The following ERBIN variants were observed in gnomAD, a reference collection of about 807,000 sequenced individuals.
ERBIN encodes densin-180-like protein.
ERBIN carries 60 observed loss-of-function variants against 158.4 expected under a neutral mutation model. The observed-to-expected ratio is 0.38, with a 90% CI of 0.31 to 0.47. The LOEUF (loss-of-function observed/expected upper bound fraction) is 0.47. Among genes scored for constraint, ERBIN ranks in the 20% least tolerant of loss-of-function variants. ERBIN has a pLI of 0.99. For synonymous variants in ERBIN, 594 were observed against 557.2 expected, an observed-to-expected ratio of 1.07 and a Z score of -0.93; for missense variants, 1,610 against 1,648.0, an observed-to-expected ratio of 0.98 and a Z score of 0.40.
chr5:66,075,578 G>A (rs931986860), intron 23 of ERBIN, among the ~76,000 whole-genome samples: 2 of 152,122 alleles, frequency 1.3e-5, no homozygotes, highest in African/African-American at 2.4e-5. Context: ...CTTAGATTTT[G>A]AAATTTGACT....
At chr5:66,013,208 G>C (rs1300041204) in intron 5 of ERBIN, among the ~76,000 whole-genome samples, 1 of 152,192 alleles carries the variant, frequency 6.6e-6, no homozygotes, top group Non-Finnish European at 1.5e-5. Context: ...TGAATTGAGA[G>C]TAGATAAGAC....
At chr5:65,964,910 GTGTGTGT>G (rs1482204224) in intron 1 of ERBIN, among the ~76,000 whole-genome samples, 3 of 8,604 alleles carry the variant, frequency 3.5e-4, no homozygotes, top group African/African-American at 6.1e-4. Flanking sequence ...TGGCTGATTT[GTGTGTGT>G]GTGTGTGTGT....
chr5:66,056,106 T>C (rs1056845283), intron 21 of ERBIN, among the ~76,000 whole-genome samples: 1 of 152,134 alleles, frequency 6.6e-6, no homozygotes, highest in Admixed American at 6.6e-5. Flanking sequence ...TCTGGTGACG[T>C]TGTGGAACTA....
intron 21 of ERBIN, among the ~76,000 whole-genome samples, chr5:66,057,812 C>T (rs1457978362): frequency 2.0e-5 from 3 of 148,030 alleles, no homozygotes; most frequent in Non-Finnish European, 3.0e-5. Context: ...TTTGGTTTTT[C>T]GTCCTTGTGA....
At chr5:65,942,627 T>G (rs956471635) in intron 1 of ERBIN, among the ~76,000 whole-genome samples, 1 of 152,164 alleles carries the variant, frequency 6.6e-6, no homozygotes, top group Non-Finnish European at 1.5e-5. Context: ...TCTCAAGTTT[T>G]AAAAAATAGA....
intron 1 of ERBIN, among the ~76,000 whole-genome samples, chr5:65,954,834 G>GGT (rs1434750773): frequency 6.6e-6 from 1 of 152,022 alleles, no homozygotes; most frequent in African/African-American, 2.4e-5. Context: ...GGGAGGCCGA[G>GGT]GTGGGGGATC....
chr5:65,933,208 G>C (rs936738642), intron 1 of ERBIN, among the ~76,000 whole-genome samples: 23 of 152,106 alleles, frequency 1.5e-4, no homozygotes, highest in Admixed American at 1.3e-4. Context: ...TGATCTTACT[G>C]TGCTTTTGGT....
chr5:65,940,956 AT>A (rs1370689856), intron 1 of ERBIN, among the ~76,000 whole-genome samples: 1 of 152,154 alleles, frequency 6.6e-6, no homozygotes, highest in Non-Finnish European at 1.5e-5. Context: ...GAGACTTTTC[AT>A]TTTGTTCTGT....
intron 1 of ERBIN, among the ~76,000 whole-genome samples, chr5:65,962,197 A>G (rs1490936432): frequency 2.0e-5 from 3 of 152,206 alleles, no homozygotes; most frequent in Non-Finnish European, 4.4e-5. Context: ...CAAAAGTTCT[A>G]TAGGTCAGTG....
intron 1 of ERBIN, among the ~76,000 whole-genome samples, chr5:65,938,274 C>T (rs555232657): frequency 6.6e-6 from 1 of 151,776 alleles, no homozygotes. Flanking sequence ...TTATTATCTA[C>T]TATAGTGATG....
intron 20 of ERBIN, among the ~76,000 whole-genome samples, chr5:66,052,817 T>C (rs913389587): frequency 2.0e-5 from 3 of 152,188 alleles, no homozygotes; most frequent in African/African-American, 7.2e-5. Flanking sequence ...TAGACTTCAT[T>C]TATCTTTCTA....
At chr5:65,927,856 T>C (rs1171660209) in intron 1 of ERBIN, among the ~76,000 whole-genome samples, 2 of 152,234 alleles carry the variant, frequency 1.3e-5, no homozygotes, top group Non-Finnish European at 2.9e-5. Flanking sequence ...TTGATAGCAG[T>C]AAACCCAAAG....
At chr5:66,063,721 A>G (rs907418893) in intron 21 of ERBIN, among the ~76,000 whole-genome samples, 3 of 152,138 alleles carry the variant, frequency 2.0e-5, no homozygotes, top group Non-Finnish European at 2.9e-5. Flanking sequence ...AAAAGTGAAG[A>G]TAGTCTCTGT....
chr5:66,042,306 C>T (rs961953589), intron 15 of ERBIN, among the ~76,000 whole-genome samples: 1 of 151,966 alleles, frequency 6.6e-6, no homozygotes, highest in Non-Finnish European at 1.5e-5. Context: ...ATTTTTAAGC[C>T]TTATGTATTT....
chr5:66,038,132 G>A (rs976699023), intron 14 of ERBIN, among the ~76,000 whole-genome samples: 23 of 152,196 alleles, frequency 1.5e-4, no homozygotes, highest in African/African-American at 5.1e-4. Flanking sequence ...CTTTTAAAAC[G>A]ATATTTCAGT....
intron 21 of ERBIN, among the ~76,000 whole-genome samples, chr5:66,061,111 T>G (rs1760242064): frequency 6.6e-6 from 1 of 152,182 alleles, no homozygotes; most frequent in African/African-American, 2.4e-5. Context: ...GTTAACTTTC[T>G]GTCTTGTTGA....
At chr5:65,949,546 C>A (rs1326073602) in intron 1 of ERBIN, among the ~76,000 whole-genome samples, 2 of 152,164 alleles carry the variant, frequency 1.3e-5, no homozygotes, top group African/African-American at 4.8e-5. Context: ...TTCAGCCATT[C>A]CTTTTTCACA....
At position 65,965,382 on chromosome 5, in the gene ERBIN, G is replaced by GT. The variant is rs200847060; in HGVS notation, c.-57-23212dup. Among the ~76,000 whole-genome samples the GT allele has an allele frequency of 2.4e-4, 23 of 96,054 alleles. 1 individual carries two copies. Among genetic ancestry groups the GT allele is most frequent in the East Asian group, 1.8e-3 (5 of 2,816 alleles). 63.0% of individuals were successfully genotyped at this position (96,054 alleles called of 152,430 possible). ...GTTCTTACCAGATTTGTTTTTTGTT[G>GT]TTTTTTTTTTTTTTTTTTTTTTTTT... On this transcript the variant is annotated intron_variant, in intron 1 of 25. Transcript: ENST00000284037.
At position 65,936,622 on chromosome 5, in the gene ERBIN, C is replaced by A. The variant is rs968784967; in HGVS notation, c.-58+9816C>A. Among the ~76,000 whole-genome samples the A allele has an allele frequency of 2.0e-5, 3 of 152,264 alleles. No homozygotes were observed. In the East Asian group the frequency reaches 5.8e-4, roughly 29 times the overall value. ...TAATTGAAATTTCTGTCGATTCTGT[C>A]TTACAAATGTCTACAGAGTGAGACA... On this transcript the variant is annotated intron_variant, in intron 1 of 25. Coordinates refer to ENST00000284037, the MANE Select transcript of ERBIN (RefSeq NM_001253697.2).
Sources: allele counts gnomAD v4.1 joint callset (sites outside exome capture counted in the v4.1 genomes callset), GRCh38; gene constraint gnomAD v4.1.1; transcripts MANE v1.5; gene names NCBI Gene and HGNC (gene_info 2026-07-23, HGNC 2026-07-21).